Variants in CEP44 observed in about 807,000 individuals in gnomAD.
CEP44 encodes centrosomal protein of 44 kDa.
CEP44 carries 45 observed loss-of-function variants against 46.7 expected under a neutral mutation model. The ratio of observed to expected loss-of-function variants is 0.96; its 90% CI spans 0.76 to 1.24. The LOEUF is 1.24. CEP44 is among the 50% of genes most tolerant of loss of function. The pLI is 0.00. For synonymous variants in CEP44, 142 were observed against 146.0 expected, an observed-to-expected ratio of 0.97 and a Z score of 0.20; for missense variants, 475 against 459.7, an observed-to-expected ratio of 1.03 and a Z score of -0.30.
chr4:174,324,692 T>A (rs1742543604), downstream of CEP44, among the ~76,000 whole-genome samples: 1 of 152,084 alleles, frequency 6.6e-6, no homozygotes, highest in Non-Finnish European at 1.5e-5. Flanking sequence ...TCTCCTTCCA[T>A]GGATAAGGTA....
At position 174,300,291 on chromosome 4, in the gene CEP44, G is replaced by A. The variant is rs144106796; in HGVS notation, c.89+1081G>A. On this transcript the variant is annotated intron_variant, in intron 3 of 11. Transcript: ENST00000503780. Reference sequence around the variant, plus strand: ...AGAGTAAGGAGAAAGTTTAGCTCAAGTTGCTGTTATTATAGGCATTATATG... The same window carrying A: ...AGAGTAAGGAGAAAGTTTAGCTCAAATTGCTGTTATTATAGGCATTATATG... Among the ~76,000 whole-genome samples, 537 of 152,204 alleles carry A rather than the reference G, an allele frequency of 3.5e-3. 3 individuals are homozygous for A. Among genetic ancestry groups the A allele is most frequent in the Middle Eastern group, 0.017 (5 of 294 alleles).
intron 2 of CEP44, among the ~76,000 whole-genome samples, chr4:174,298,402 C>G (rs1739325001): frequency 6.6e-6 from 1 of 151,794 alleles, no homozygotes; most frequent in South Asian, 2.1e-4. Context: ...GTCTCGATCT[C>G]CTGACCTCCT....
chr4:174,303,986 C>T (rs1329412826), intron 5 of CEP44, 137 bp downstream of exon 5: 1 of 720,110 alleles, frequency 1.4e-6, no homozygotes, highest in African/African-American at 1.8e-5. Flanking sequence ...TTTGAGTAAC[C>T]TTATAAAGCT....
Position 174,317,655 on chromosome 4 carries a change from C to A in CEP44, c.*272C>A. 1 of 1,025,918 alleles carries A rather than the reference C, an allele frequency of 9.7e-7. No individual in the cohort carries two copies. The highest frequency in any genetic ancestry group is 1.2e-6 in the Non-Finnish European group (1 of 855,502). The allele number at this position is 1,025,918 out of a possible 1,614,324, so 63.6% of individuals were successfully genotyped here. ...CTTACAGAGTGAAGTCATTACAGCA[C>A]TGTATTTCTGTGTTGACATTTGTTG... On this transcript the variant is annotated 3_prime_UTR_variant, in exon 12 of 12. Coordinates refer to ENST00000503780, the MANE Select transcript of CEP44 (RefSeq NM_001040157.3).
In CEP44 at chr4:174,314,990, G is replaced by A. The variant is rs907752060; in HGVS notation, c.962-1176G>A. On this transcript the variant is annotated intron_variant, in intron 9 of 11. Transcript: ENST00000503780. The surrounding 1 kb of genome is among the most constrained non-coding windows in gnomAD (Gnocchi z 4.1). ...TCAAATGATATTGAGCCTGGGCCGGGCTGGCCATGTGGTGGAAGTTTACGC... is the reference window on the plus strand; with the variant it reads ...TCAAATGATATTGAGCCTGGGCCGGACTGGCCATGTGGTGGAAGTTTACGC... Among the ~76,000 whole-genome samples, 46 of 152,210 alleles carry A rather than the reference G, an allele frequency of 3.0e-4. No homozygotes were observed. Among genetic ancestry groups the A allele is most frequent in the Non-Finnish European group, 4.3e-4 (29 of 68,042 alleles).
Position 174,326,628 on chromosome 4 carries a change from T to C in CEP44, c.1087-4854T>C, listed in dbSNP as rs891674632. On this transcript the variant is annotated intron_variant, in intron 8 of 8. Transcript: ENST00000426172. The surrounding 1 kb of genome is among the most constrained non-coding windows in gnomAD (Gnocchi z 4.8). ...TTCTTTCATGTAGATCCACATTTCT[T>C]CTTGATATAATTTTCCTTCTGCCTG... Among the ~76,000 whole-genome samples the C allele has an allele frequency of 6.6e-6, 1 of 152,064 alleles. No homozygotes were observed. The highest frequency in any genetic ancestry group is 2.4e-5 in the African/African-American group (1 of 41,454).
At chr4:174,292,323 AGT>A (rs959313891) in intron 1 of CEP44, among the ~76,000 whole-genome samples, 4 of 152,136 alleles carry the variant, frequency 2.6e-5, no homozygotes, top group African/African-American at 9.7e-5. Context: ...AATTCATTAT[AGT>A]GTCTATTGGT....
rs118020648 is a variant in CEP44 at position 174,295,953 on chromosome 4, A to T, written c.-147-2013A>T. Among the ~76,000 whole-genome samples the T allele has an allele frequency of 2.2e-4, 34 of 152,292 alleles. No homozygotes were observed. In the East Asian group the frequency reaches 6.4e-3, roughly 29 times the overall value. On this transcript the variant is annotated intron_variant, in intron 1 of 11. Transcript: ENST00000503780. ...CTTTTTCTACGTCCGTTGATAATAC[A>T]TGATTTGCCTTCTTTGACCTGCTAA...
chr4:174,311,975 C>G lies in CEP44; in HGVS notation c.961+1117C>G, dbSNP rs1159430103. 6.6e-6 allele frequency among the ~76,000 whole-genome samples: 1 copy of G among 152,120 alleles called. No homozygotes were observed. The highest frequency in any genetic ancestry group is 2.1e-4 in the South Asian group (1 of 4,830). Reference sequence around the variant, plus strand: ...GTAAAATGTTGCCTGTTTTATTTATCCATTCATATATCTATTCAACAAATG... The same window carrying G: ...GTAAAATGTTGCCTGTTTTATTTATGCATTCATATATCTATTCAACAAATG... On this transcript the variant is annotated intron_variant, in intron 9 of 11. Coordinates refer to ENST00000503780, the MANE Select transcript of CEP44 (RefSeq NM_001040157.3). The surrounding 1 kb of genome is among the most constrained non-coding windows in gnomAD (Gnocchi z 4.4).
At chr4:174,292,239 G>A (rs1354410393) in intron 1 of CEP44, among the ~76,000 whole-genome samples, 1 of 152,088 alleles carries the variant, frequency 6.6e-6, no homozygotes, top group Non-Finnish European at 1.5e-5. Context: ...CCTTTATGGA[G>A]GCTCTGTTAT....
At chr4:174,299,663 C>T (rs1354274934) in intron 3 of CEP44, among the ~76,000 whole-genome samples, 19 of 151,956 alleles carry the variant, frequency 1.3e-4, no homozygotes, top group Non-Finnish European at 2.6e-4. Flanking sequence ...ACATTTAAGT[C>T]GAGTGTTCTT....
At chr4:174,307,680 C>A (rs916850590) in intron 6 of CEP44, among the ~76,000 whole-genome samples, 1 of 152,064 alleles carries the variant, frequency 6.6e-6, no homozygotes, top group Non-Finnish European at 1.5e-5. Context: ...CAGACACCCT[C>A]CGGAGTGGGA....
chr4:174,294,196 C>T (rs547285097), intron 1 of CEP44, among the ~76,000 whole-genome samples: 19 of 151,138 alleles, frequency 1.3e-4, no homozygotes, highest in Non-Finnish European at 2.5e-4. Flanking sequence ...TGCGGCCTTC[C>T]GCAGTGTTTG....
rs139331696 is a variant in CEP44 at position 174,308,737 on chromosome 4, A to G, written c.556A>G (p.Ile186Val). The G allele has an allele frequency of 6.3e-4, 1,016 of 1,612,978 alleles. 2 individuals carry two copies. In the Middle Eastern group the frequency reaches 0.012, roughly 19 times the overall value. Reference sequence around the variant, plus strand: ...CTTGTATAATGAAGATAATGTTGACATTTCTGAGGATACATTAAGTCCAAT... The same window carrying G: ...CTTGTATAATGAAGATAATGTTGACGTTTCTGAGGATACATTAAGTCCAAT... ...RHLYNEDNVD[I>V]SEDTLSPITD... Residue 186 changes from isoleucine (I) to valine (V), a missense_variant, in exon 7 of 12, where the codon ATT becomes GTT. Ile to Val is a conservative substitution (Grantham distance 29). Transcript: ENST00000503780.
At chr4:174,324,646 G>T (rs371676345), downstream of CEP44, among the ~76,000 whole-genome samples, 1 of 152,164 alleles carries the variant, frequency 6.6e-6, no homozygotes, top group South Asian at 2.1e-4. Flanking sequence ...AACTGAGAAG[G>T]TTTCAAATGG....
At chr4:174,327,639 ACT>A (rs1291229757) in intron 8 of CEP44, among the ~76,000 whole-genome samples, 1 of 152,104 alleles carries the variant, frequency 6.6e-6, no homozygotes, top group Non-Finnish European at 1.5e-5. Context: ...CCCCAAACAG[ACT>A]CTACAGAATA....
chr4:174,288,646 TG>T lies in CEP44; in HGVS notation c.-148+4704del, dbSNP rs1223094357. Among the ~76,000 whole-genome samples, 3 of 152,164 alleles carry T rather than the reference TG, an allele frequency of 2.0e-5. No individual in the cohort carries two copies. Among genetic ancestry groups the T allele is most frequent in the African/African-American group, 7.2e-5 (3 of 41,446 alleles). On this transcript the variant is annotated intron_variant, in intron 1 of 11. Transcript: ENST00000503780. The surrounding 1 kb of genome is among the most constrained non-coding windows in gnomAD (Gnocchi z 4.6). ...GCAAATTTGTTTATTCTCACATTTT[TG>T]TTGGGGTCCCTAAGGTTTTCTACAT...
intron 1 of CEP44, chr4:174,284,346 C>T: frequency 3.3e-6 from 1 of 303,940 alleles, no homozygotes. Flanking sequence ...ATCGTGGTAG[C>T]TCATCCTATC....
In CEP44 at chr4:174,297,142, T is replaced by G. The variant is rs756998434; in HGVS notation, c.-147-824T>G. On this transcript the variant is annotated intron_variant, in intron 1 of 11. Coordinates refer to ENST00000503780, the MANE Select transcript of CEP44 (RefSeq NM_001040157.3). The surrounding 1 kb of genome is among the most constrained non-coding windows in gnomAD (Gnocchi z 4.3). ...ATAGACAACATGTAGTTAGATCTTA[T>G]TTTTGATCCACTTTAACAATCTCTG... Among the ~76,000 whole-genome samples, 4 of 152,178 alleles carry G rather than the reference T, an allele frequency of 2.6e-5. No homozygotes were observed. The highest frequency in any genetic ancestry group is 1.3e-4 in the Admixed American group (2 of 15,280).
Sources: allele counts gnomAD v4.1 joint callset (sites outside exome capture counted in the v4.1 genomes callset), GRCh38; gene constraint gnomAD v4.1.1; non-coding constraint Gnocchi (gnomAD v3.1); transcripts MANE v1.5; gene names NCBI Gene and HGNC (gene_info 2026-07-23, HGNC 2026-07-21).